POT1: variants seen among roughly 807,000 people sequenced by gnomAD.
POT1 encodes the protein protection of telomeres protein 1.
A neutral mutation model predicts 78.5 loss-of-function variants in POT1; 47 were observed. The ratio of observed to expected loss-of-function variants is 0.60; its 90% confidence interval spans 0.47 to 0.76. POT1 has a LOEUF of 0.76. Ranked by LOEUF, POT1 falls within the 30% of genes least tolerant of loss-of-function variation. The pLI is 0.00. For missense variants in POT1, 646 were observed against 749.9 expected (o/e 0.86, Z 1.62); for synonymous variants, 259 against 260.7 (o/e 0.99, Z 0.06).
chr7:124,851,711 T>A (rs1388891492), intron 11 of POT1, 161 bp downstream of exon 11: 16 of 617,930 alleles, frequency 2.6e-5, no homozygotes, highest in Middle Eastern at 4.4e-4. Context: ...GAAACCATGT[T>A]TACTTTTTGG....
At chr7:124,927,768 G>C (rs1282944034) in intron 2 of POT1, among the ~76,000 whole-genome samples, 5 of 152,018 alleles carry the variant, frequency 3.3e-5, no homozygotes, top group Non-Finnish European at 5.9e-5. Flanking sequence ...GACCAAAATT[G>C]AACTTATCAT....
intron 11 of POT1, 152 bp downstream of exon 11, chr7:124,851,720 G>T (rs1004790318): frequency 3.6e-5 from 23 of 630,612 alleles, no homozygotes; most frequent in Non-Finnish European, 5.8e-5. Flanking sequence ...TTTACTTTTT[G>T]GCATAGGCCA....
At position 124,835,395 on chromosome 7, in the gene POT1, A is replaced by T. The variant is rs891347957; in HGVS notation, c.1389T>A (p.Ile463=). ...LLIEGGTLSE[I]CKLSNKFNSV... is the part of the protein sequence containing the mutation. ...TATTAAACTTGTTCGAGAGTTTGCAAATTTCACTGAGTGTACCTCCTGTTA... is the reference window on the plus strand; with the variant it reads ...TATTAAACTTGTTCGAGAGTTTGCATATTTCACTGAGTGTACCTCCTGTTA... Residue 463 remains isoleucine (I), a synonymous_variant, in exon 15 of 19, where the codon ATT becomes ATA. Coordinates refer to ENST00000357628, the MANE Select transcript of POT1 (RefSeq NM_015450.3). 1 of 1,612,786 alleles carries T rather than the reference A, an allele frequency of 6.2e-7. No individual in the cohort carries two copies. Among genetic ancestry groups the T allele is most frequent in the South Asian group, 1.1e-5 (1 of 91,052 alleles).
intron 3 of POT1, among the ~76,000 whole-genome samples, chr7:124,899,372 T>C (rs918671050): frequency 6.6e-6 from 1 of 152,160 alleles, no homozygotes; most frequent in African/African-American, 2.4e-5. Context: ...TGCGTTTTTT[T>C]CTTCACATGA....
At chr7:124,876,774 A>G (rs945383039) in intron 6 of POT1, among the ~76,000 whole-genome samples, 1 of 152,186 alleles carries the variant, frequency 6.6e-6, no homozygotes, top group Non-Finnish European at 1.5e-5. Context: ...TCCACAGCAA[A>G]TACATACTCT....
At position 124,823,666 on chromosome 7, in the gene POT1, CA is replaced by C. The variant is rs1486701185; in HGVS notation, c.*295del. 3.8e-6 allele frequency: 1 copy of C among 262,854 alleles called. No homozygotes were observed. The highest frequency in any genetic ancestry group is 7.1e-6 in the Non-Finnish European group (1 of 140,662). The allele number at this position is 262,854 out of a possible 1,614,324, so 16.3% of individuals were successfully genotyped here. On this transcript the variant is annotated 3_prime_UTR_variant, in exon 19 of 19. Transcript: ENST00000357628. ...CATCAGTATCAGCACCCCAACAAAG[CA>C]ACTTTGCCATTTCTACTTAAAGTAC...
intron 7 of POT1, among the ~76,000 whole-genome samples, chr7:124,867,210 C>A (rs1368245403): frequency 1.3e-5 from 2 of 152,166 alleles, no homozygotes; most frequent in African/African-American, 4.8e-5. Context: ...CTAACGCATC[C>A]TCATTTCATG....
At chr7:124,829,698 T>A (rs1584749481) in intron 15 of POT1, among the ~76,000 whole-genome samples, 1 of 128,792 alleles carries the variant, frequency 7.8e-6, no homozygotes, top group East Asian at 2.3e-4. Flanking sequence ...TCTGATTCTA[T>A]GATCTATATC....
chr7:124,909,443 C>A (rs1796838982), intron 3 of POT1, among the ~76,000 whole-genome samples: 1 of 151,818 alleles, frequency 6.6e-6, no homozygotes, highest in African/African-American at 2.4e-5. Context: ...TTGGAGAAAA[C>A]TCATTCCTTT....
chr7:124,860,324 T>C (rs1306833179), intron 8 of POT1, among the ~76,000 whole-genome samples: 1 of 152,136 alleles, frequency 6.6e-6, no homozygotes, highest in Non-Finnish European at 1.5e-5. Flanking sequence ...TGTCATTTTA[T>C]GGTTACAAAG....
chr7:124,875,107 A>AT (rs1795958634), intron 6 of POT1, among the ~76,000 whole-genome samples: 1 of 152,042 alleles, frequency 6.6e-6, no homozygotes. Context: ...ACTTCATGAC[A>AT]TTTTTTCTTT....
At chr7:124,840,847 GTTAAAT>G (rs918796392) in intron 14 of POT1, 120 bp downstream of exon 14, 25 of 656,988 alleles carry the variant, frequency 3.8e-5, no homozygotes, top group East Asian at 2.9e-4. Flanking sequence ...ATTCAATTTT[GTTAAAT>G]TTAAATACTA....
At chr7:124,859,449 T>A (rs1795530983) in intron 8 of POT1, among the ~76,000 whole-genome samples, 1 of 152,054 alleles carries the variant, frequency 6.6e-6, no homozygotes, top group African/African-American at 2.4e-5. Context: ...TAAATACAAC[T>A]AGTAAAATTA....
chr7:124,921,985 T>G (rs1289029946), intron 2 of POT1, among the ~76,000 whole-genome samples: 1 of 151,966 alleles, frequency 6.6e-6, no homozygotes, highest in Non-Finnish European at 1.5e-5. Context: ...AAAAGCTTAC[T>G]TAAGCACATG....
At chr7:124,855,536 T>C (rs1795426613) in intron 9 of POT1, among the ~76,000 whole-genome samples, 1 of 151,794 alleles carries the variant, frequency 6.6e-6, no homozygotes, top group Non-Finnish European at 1.5e-5. Flanking sequence ...AGATGCTCTA[T>C]TATAAAAAAA....
chr7:124,894,545 T>G (rs865928588), intron 5 of POT1, among the ~76,000 whole-genome samples: 3 of 151,748 alleles, frequency 2.0e-5, no homozygotes, highest in Middle Eastern at 6.8e-3. Context: ...GATATAAACC[T>G]CATTATAAAT....
At chr7:124,832,687 G>A (rs1035518152) in intron 15 of POT1, among the ~76,000 whole-genome samples, 3 of 151,952 alleles carry the variant, frequency 2.0e-5, no homozygotes, top group African/African-American at 4.8e-5. Flanking sequence ...TGTTAGTGGT[G>A]CATGCCTGTA....
At chr7:124,926,169 G>T (rs753557439) in intron 2 of POT1, among the ~76,000 whole-genome samples, 17 of 152,010 alleles carry the variant, frequency 1.1e-4, no homozygotes, top group Non-Finnish European at 2.1e-4. Context: ...ACAATCTCAG[G>T]AATGAGAGAA....
At chr7:124,861,025 GT>G (rs1245958715) in intron 8 of POT1, among the ~76,000 whole-genome samples, 2 of 152,156 alleles carry the variant, frequency 1.3e-5, no homozygotes, top group Non-Finnish European at 2.9e-5. Context: ...ATTTGGGTTG[GT>G]TCCCAGTCTT....
Sources: allele counts gnomAD v4.1 joint callset (sites outside exome capture counted in the v4.1 genomes callset), GRCh38; gene constraint gnomAD v4.1.1; transcripts MANE v1.5; gene names NCBI Gene and HGNC (gene_info 2026-07-23, HGNC 2026-07-21).